Variants in MYO18B observed in about 807,000 individuals in gnomAD.
MYO18B encodes unconventional myosin-XVIIIb.
MYO18B carries 204 observed loss-of-function variants against 273.0 expected under a neutral mutation model. That is an observed-to-expected ratio of 0.75 (90% confidence interval 0.67 to 0.84). The LOEUF (loss-of-function observed/expected upper bound fraction) is 0.84, where lower values mean the gene tolerates loss of function less well. Ranked by LOEUF, MYO18B falls within the 40% of genes least tolerant of loss-of-function variation. The pLI is 0.00. For synonymous variants in MYO18B, 1,330 were observed against 1,305.7 expected, an observed-to-expected ratio of 1.02 and a Z score of -0.40; for missense variants, 3,212 against 3,287.6, an observed-to-expected ratio of 0.98 and a Z score of 0.56.
At chr22:25,956,355 A>C (rs1462335894) in intron 39 of MYO18B, among the ~76,000 whole-genome samples, 1 of 151,624 alleles carries the variant, frequency 6.6e-6, no homozygotes, top group Non-Finnish European at 1.5e-5. Context: ...AGCTGGGACT[A>C]CGGGCATGAG....
intron 17 of MYO18B, among the ~76,000 whole-genome samples, chr22:25,836,295 C>CTGA: frequency 6.6e-6 from 1 of 152,194 alleles, no homozygotes; most frequent in African/African-American, 2.4e-5. Context: ...AAGAAGTCAC[C>CTGA]CCTGGCCCTT....
chr22:25,867,480 T>C (rs1569129369), intron 21 of MYO18B, among the ~76,000 whole-genome samples: 1 of 152,256 alleles, frequency 6.6e-6, no homozygotes, highest in East Asian at 1.9e-4. Flanking sequence ...TAAGGCTGAA[T>C]AATATTCCAT....
intron 12 of MYO18B, among the ~76,000 whole-genome samples, chr22:25,811,607 T>TG (rs1417997052): frequency 6.6e-6 from 1 of 152,242 alleles, no homozygotes; most frequent in Non-Finnish European, 1.5e-5. Context: ...ACACCACCTT[T>TG]GTTCTATGCC....
intron 12 of MYO18B, among the ~76,000 whole-genome samples, chr22:25,812,421 G>T (rs1434488495): frequency 6.6e-6 from 1 of 152,148 alleles, no homozygotes; most frequent in African/African-American, 2.4e-5. Context: ...CTGTAATGAG[G>T]TGCTCCAAGC....
intron 29 of MYO18B, chr22:25,898,966 A>T (rs563091200): frequency 6.5e-6 from 1 of 153,624 alleles, no homozygotes; most frequent in South Asian, 2.0e-4. Flanking sequence ...ATCTAAGTGG[A>T]CTGATCCTGG....
In MYO18B at chr22:25,828,763, C is replaced by G; in HGVS notation, c.2787-13C>G. 1.2e-6 allele frequency: 2 copies of G among 1,609,482 alleles called. No homozygotes were observed. Among genetic ancestry groups the G allele is most frequent in the Non-Finnish European group, 1.7e-6 (2 of 1,177,184 alleles). ...GCCATCTCAGACATTCCACCTCTCT[C>G]TTCTCTCCCTAGATCCTTTTCCTCC... On this transcript the variant is annotated splice_polypyrimidine_tract_variant and intron_variant, in intron 14 of 43. Coordinates refer to ENST00000335473, the MANE Select transcript of MYO18B (RefSeq NM_032608.7).
At chr22:25,818,099 T>TCTCCTAATCTCCTTGC (rs1288647751) in intron 12 of MYO18B, among the ~76,000 whole-genome samples, 1 of 152,212 alleles carries the variant, frequency 6.6e-6, no homozygotes, top group Non-Finnish European at 1.5e-5. Context: ...GATTTCCTTG[T>TCTCCTAATCTCCTTGC]CTCCTAATCT....
At chr22:25,874,460 A>G in intron 23 of MYO18B, 46 bp downstream of exon 23, 1 of 1,578,980 alleles carries the variant, frequency 6.3e-7, no homozygotes, top group Non-Finnish European at 8.6e-7. Flanking sequence ...ACGGGTCTGG[A>G]GCGGGCATAG....
intron 7 of MYO18B, among the ~76,000 whole-genome samples, chr22:25,776,542 A>G (rs1293562373): frequency 1.3e-5 from 2 of 152,334 alleles, no homozygotes; most frequent in East Asian, 3.9e-4. Context: ...GGTTGCAGTG[A>G]GCTGAGATCG....
intron 39 of MYO18B, among the ~76,000 whole-genome samples, chr22:25,963,767 G>A (rs5997009): frequency 0.2 from 29,870 of 151,398 alleles, 5,693 homozygotes; most frequent in African/African-American, 0.48. Flanking sequence ...AATATGGCCT[G>A]TTTTATTGGG....
chr22:26,055,394 G>T, the MYO18B span, among the ~76,000 whole-genome samples: 7 of 152,196 alleles, frequency 4.6e-5, no homozygotes, highest in African/African-American at 1.7e-4. Context: ...TGCAAGACCT[G>T]GAGCATTGAA....
At chr22:25,943,733 T>A (rs1331099842) in intron 34 of MYO18B, among the ~76,000 whole-genome samples, 1 of 82,398 alleles carries the variant, frequency 1.2e-5, no homozygotes, top group Admixed American at 1.1e-4. Context: ...TTTTTTTTTT[T>A]TCTGAGACGG....
At chr22:26,022,430 A>G (rs1601853970) in intron 42 of MYO18B, among the ~76,000 whole-genome samples, 2 of 152,192 alleles carry the variant, frequency 1.3e-5, no homozygotes, top group South Asian at 4.1e-4. Context: ...CTGAATTCAG[A>G]TTAAATTCTT....
intron 18 of MYO18B, 104 bp from the exon 19 acceptor site, chr22:25,845,996 G>A (rs533943789): frequency 1.4e-5 from 15 of 1,048,528 alleles, no homozygotes; most frequent in Admixed American, 1.4e-4. Flanking sequence ...TTAGGAAGCC[G>A]AGGAGCAGGA....
intron 39 of MYO18B, among the ~76,000 whole-genome samples, chr22:25,980,677 CTTT>C (rs2093139954): frequency 6.6e-6 from 1 of 152,184 alleles, no homozygotes; most frequent in Non-Finnish European, 1.5e-5. Context: ...TCTTTTGTCA[CTTT>C]TTAAATGTTC....
At chr22:25,817,920 T>C (rs1254775683) in intron 12 of MYO18B, among the ~76,000 whole-genome samples, 1 of 152,202 alleles carries the variant, frequency 6.6e-6, no homozygotes, top group Non-Finnish European at 1.5e-5. Context: ...CCGGCCACTC[T>C]GCCCTGCTTC....
intron 6 of MYO18B, 110 bp from the exon 7 acceptor site, chr22:25,772,224 T>A (rs955335598): frequency 2.1e-5 from 20 of 973,962 alleles, no homozygotes; most frequent in Non-Finnish European, 2.9e-5. Flanking sequence ...CTTTGGCACA[T>A]AGCTCTCAAG....
intron 17 of MYO18B, among the ~76,000 whole-genome samples, chr22:25,842,533 A>G (rs1460103102): frequency 6.6e-6 from 1 of 151,936 alleles, no homozygotes; most frequent in Non-Finnish European, 1.5e-5. Context: ...TTAGCCAGGC[A>G]TGTTGGCTCA....
At chr22:26,004,573 G>T in intron 41 of MYO18B, 145 bp from the exon 42 acceptor site, 1 of 986,274 alleles carries the variant, frequency 1.0e-6, no homozygotes. Context: ...TGACAGCACT[G>T]GCTCCTACCT....
Sources: allele counts gnomAD v4.1 joint callset (sites outside exome capture counted in the v4.1 genomes callset), GRCh38; gene constraint gnomAD v4.1.1; transcripts MANE v1.5; gene names NCBI Gene and HGNC (gene_info 2026-07-23, HGNC 2026-07-21).